The following DRP2 variants were observed in gnomAD, a reference collection of about 807,000 sequenced individuals.
DRP2 encodes dystrophin related protein 2.
A neutral mutation model predicts 78.2 loss-of-function variants in DRP2; 29 were observed. The observed-to-expected ratio is 0.37, with a 90% CI of 0.28 to 0.51. DRP2 has a LOEUF of 0.51. Among genes scored for constraint, DRP2 ranks in the 20% least tolerant of loss-of-function variants. The probability of loss-of-function intolerance (pLI) is 0.94; values close to 1 mark genes in which losing one functional copy is unlikely to be tolerated. For synonymous variants in DRP2, 290 were observed against 281.9 expected (o/e 1.03, Z -0.29); for missense variants, 686 against 770.6 (o/e 0.89, Z 1.30).
At chrX:101,240,967 A>G (rs1169604462) in intron 6 of DRP2, among the ~76,000 whole-genome samples, 1 of 111,911 alleles carries the variant, frequency 8.9e-6, no homozygotes, top group Non-Finnish European at 1.9e-5. Flanking sequence ...GACACATTAT[A>G]CCAACTTCTC....
Position 101,247,192 on chromosome X carries a change from A to T in DRP2, c.1252+28A>T, listed in dbSNP as rs760587683. 6 of 1,146,921 alleles carry T rather than the reference A, an allele frequency of 5.2e-6. No individual in the cohort carries two copies. The East Asian group carries it at 1.8e-4, about 35-fold the overall frequency. The allele number at this position is 1,146,921 out of a possible 1,213,427, so 94.5% of individuals were successfully genotyped here. Reference sequence around the variant, plus strand: ...ACGTCTCCTGTTGTACTTCCCTATGACGTTCACCACCCCTCTCCTGTTCCT... The same window carrying T: ...ACGTCTCCTGTTGTACTTCCCTATGTCGTTCACCACCCCTCTCCTGTTCCT... On this transcript the variant is annotated intron_variant, in intron 12 of 23. Coordinates refer to ENST00000395209, the MANE Select transcript of DRP2 (RefSeq NM_001939.3).
At chrX:101,245,928 A>G (rs917253212) in intron 11 of DRP2, among the ~76,000 whole-genome samples, 7 of 112,308 alleles carry the variant, frequency 6.2e-5, no homozygotes, top group African/African-American at 1.9e-4. Flanking sequence ...TCTTACAGAA[A>G]AAAACAATAA....
intron 12 of DRP2, among the ~76,000 whole-genome samples, 190 bp downstream of exon 12, chrX:101,247,354 C>G (rs181445680): frequency 9.0e-6 from 1 of 111,618 alleles, no homozygotes; most frequent in Non-Finnish European, 1.9e-5. Context: ...TCGCTAGGCC[C>G]CAGACGTGTT....
At position 101,263,748 on chromosome X, in the gene DRP2, G is replaced by A. The variant is rs930703419; in HGVS notation, c.*3127G>A. On this transcript the variant is annotated 3_prime_UTR_variant, in exon 24 of 24. Coordinates refer to ENST00000395209, the MANE Select transcript of DRP2 (RefSeq NM_001939.3). ...TTTCCCTACAGAGAAATCTGTTTGA[G>A]TTTCTGGTGCTCCAGGAAATGGGTT... 2.7e-5 allele frequency: 3 copies of A among 112,129 alleles called. No homozygotes were observed. The highest frequency in any genetic ancestry group is 3.8e-5 in the Non-Finnish European group (2 of 53,240). The allele number at this position is 112,129 out of a possible 1,213,427, so 9.2% of individuals were successfully genotyped here. A position where few individuals can be genotyped will look rare whatever the true frequency, so the allele number is the denominator to read the frequency against.
At position 101,250,542 on chromosome X, in the gene DRP2, A is replaced by G. The variant is rs1394096564; in HGVS notation, c.1660A>G (p.Ser554Gly). 2 of 1,204,943 alleles carry G rather than the reference A, an allele frequency of 1.7e-6. No homozygotes were observed. The highest frequency in any genetic ancestry group is 2.2e-6 in the Non-Finnish European group (2 of 892,690). The stretch of plus-strand genomic sequence containing the variant: ...GGGTGAAGTGGCAGCCTTTGGGGGC[A>G]GCAATGTGGAGCCCAGTGTCCGTAG... ...QLGEVAAFGG[S>G]NVEPSVRSCF... Residue 554 changes from serine to glycine, a missense_variant, in exon 15 of 24, where the codon AGC becomes GGC. Transcript: ENST00000395209.
At chrX:101,233,249 C>T (rs192184676) in intron 3 of DRP2, among the ~76,000 whole-genome samples, 27 of 112,004 alleles carry the variant, frequency 2.4e-4, no homozygotes, top group African/African-American at 7.8e-4. Context: ...CCCAGCTCAT[C>T]GTGGGTGCTC....
chrX:101,228,900 T>C (rs772577116), intron 2 of DRP2, among the ~76,000 whole-genome samples: 202 of 110,199 alleles, frequency 1.8e-3, no homozygotes, highest in African/African-American at 6.4e-3. Flanking sequence ...TGAGAGACCC[T>C]GTCTCAAAAA....
chrX:101,264,419 CTT>C lies in DRP2; in HGVS notation c.*3800_*3801del, dbSNP rs1231499804. The C allele has an allele frequency of 8.9e-6, 1 of 112,066 alleles. No homozygotes were observed. Among genetic ancestry groups the C allele is most frequent in the African/African-American group, 3.2e-5 (1 of 30,841 alleles). The allele number at this position is 112,066 out of a possible 1,213,427, so 9.2% of individuals were successfully genotyped here. A position where few individuals can be genotyped will look rare whatever the true frequency, so the allele number is the denominator to read the frequency against. On this transcript the variant is annotated 3_prime_UTR_variant, in exon 24 of 24. Coordinates refer to ENST00000395209, the MANE Select transcript of DRP2 (RefSeq NM_001939.3). ...ACAGGGTTGGGAACAAATTGGTTAA[CTT>C]TGATTGCCACTCACTGTGGTGCTTT...
intron 20 of DRP2, 105 bp from the exon 21 acceptor site, chrX:101,256,013 G>A (rs996921475): frequency 1.0e-6 from 1 of 1,004,686 alleles, no homozygotes; most frequent in African/African-American, 1.9e-5. Flanking sequence ...ATGTGACTTA[G>A]AAGTGAATCC....
intron 2 of DRP2, among the ~76,000 whole-genome samples, chrX:101,226,355 T>A (rs1922120105): frequency 8.9e-6 from 1 of 112,160 alleles, no homozygotes; most frequent in Admixed American, 9.5e-5. Context: ...TGTACATTAT[T>A]CCACACAAAT....
rs1167730116 is a variant in DRP2, at chrX:101,224,191, G to GTTTTTTT, written c.-166-389_-166-383dup. On this transcript the variant is annotated intron_variant, in intron 1 of 23. Coordinates refer to ENST00000395209, the MANE Select transcript of DRP2 (RefSeq NM_001939.3). ...AATAAATGTTTGCTGGGTTTTTTTT[G>GTTTTTTT]TTTTTTTTTTTTTTTTTTTTTTTTT... Among the ~76,000 whole-genome samples, 147 of 38,879 alleles carry GTTTTTTT rather than the reference G, an allele frequency of 3.8e-3. 6 individuals carry two copies. Among genetic ancestry groups the GTTTTTTT allele is most frequent in the East Asian group, 8.2e-3 (8 of 981 alleles). 33.8% of individuals were successfully genotyped at this position (38,879 alleles called of 115,157 possible). A position where few individuals can be genotyped will look rare whatever the true frequency, so the allele number is the denominator to read the frequency against.
rs758317821 is a variant in DRP2 at position 101,242,583 on chromosome X, A to G, written c.975+112A>G. The G allele has an allele frequency of 1.7e-5, 16 of 959,935 alleles. No homozygotes were observed. In the African/African-American group the frequency reaches 2.8e-4, roughly 17 times the overall value. The allele number at this position is 959,935 out of a possible 1,213,427, so 79.1% of individuals were successfully genotyped here. On this transcript the variant is annotated intron_variant, in intron 8 of 23. Coordinates refer to ENST00000395209, the MANE Select transcript of DRP2 (RefSeq NM_001939.3). ...GATCTGCATGGGAAAAGAGGAGTGGAGAATGTGGAGCTAGGGAATGGGCTT... is the reference window on the plus strand; with the variant it reads ...GATCTGCATGGGAAAAGAGGAGTGGGGAATGTGGAGCTAGGGAATGGGCTT...
intron 2 of DRP2, among the ~76,000 whole-genome samples, chrX:101,231,169 C>T (rs1212174695): frequency 1.8e-5 from 2 of 112,710 alleles, no homozygotes; most frequent in Non-Finnish European, 3.7e-5. Context: ...TTTTGAGACT[C>T]ATCTCAAGTG....
intron 20 of DRP2, among the ~76,000 whole-genome samples, chrX:101,255,780 C>T (rs1923314781): frequency 9.4e-6 from 1 of 106,380 alleles, no homozygotes; most frequent in Non-Finnish European, 1.9e-5. Flanking sequence ...GACTGGGACC[C>T]AGATCCCTCT....
At position 101,241,865 on chromosome X, in the gene DRP2, G is replaced by A. The variant is rs1336668614; in HGVS notation, c.757G>A (p.Val253Ile). The change falls in exon 7 of 24, where the codon GTC (valine) becomes ATC (isoleucine). Residue 253 changes from valine (V) to isoleucine (I), a missense_variant. Val to Ile is a conservative substitution (Grantham distance 29, BLOSUM62 3). Coordinates refer to ENST00000395209, the MANE Select transcript of DRP2 (RefSeq NM_001939.3). ...LSTTLSQAEG[V>I]RATWEPIGDL... is the part of the protein sequence containing the mutation. ...CACTACTCTGAGCCAAGCTGAGGGA[G>A]TCCGAGCCACTTGGGAGCCCATTGG... The A allele has an allele frequency of 2.5e-6, 3 of 1,183,401 alleles. No homozygotes were observed. Among genetic ancestry groups the A allele is most frequent in the Admixed American group, 2.4e-5 (1 of 41,171 alleles).
chrX:101,221,690 T>A (rs1921899328), intron 1 of DRP2, among the ~76,000 whole-genome samples: 1 of 112,071 alleles, frequency 8.9e-6, no homozygotes, highest in Non-Finnish European at 1.9e-5. Context: ...CTTGAAGCAA[T>A]GAATTTAGCA....
At chrX:101,241,958 A>G (rs1346180382) in intron 7 of DRP2, 22 bp downstream of exon 7, 2 of 1,156,394 alleles carry the variant, frequency 1.7e-6, no homozygotes, top group African/African-American at 3.6e-5. Context: ...CCCTCCCCTG[A>G]CTACAGTCTA....
chrX:101,236,537 A>G (rs1317388072), intron 4 of DRP2, among the ~76,000 whole-genome samples: 1 of 111,986 alleles, frequency 8.9e-6, no homozygotes, highest in Non-Finnish European at 1.9e-5. Flanking sequence ...AACTAAGGGT[A>G]GCTCTGTAAG....
chrX:101,253,576 C>G (rs1314615802), intron 17 of DRP2, among the ~76,000 whole-genome samples: 1 of 68,640 alleles, frequency 1.5e-5, no homozygotes, highest in African/African-American at 5.9e-5. Flanking sequence ...GAGACAGAGT[C>G]TCACTCTTAC....
Sources: allele counts gnomAD v4.1 joint callset (sites outside exome capture counted in the v4.1 genomes callset), GRCh38; gene constraint gnomAD v4.1.1; transcripts MANE v1.5; gene names NCBI Gene and HGNC (gene_info 2026-07-23, HGNC 2026-07-21).